The following DYNLRB1 variants were observed in gnomAD, a reference collection of about 807,000 sequenced individuals.
DYNLRB1 encodes ROBL/LC7-like 1.
A neutral mutation model predicts 13.5 loss-of-function variants in DYNLRB1; 6 were observed. The observed-to-expected ratio is 0.44, with a 90% CI of 0.24 to 0.88. The LOEUF is 0.88. Ranked by LOEUF, DYNLRB1 falls within the 40% of genes least tolerant of loss-of-function variation. The pLI, the probability that DYNLRB1 is intolerant of heterozygous loss-of-function variation, is 0.21. For missense variants in DYNLRB1, 93 were observed against 127.2 expected (o/e 0.73, Z 1.29); for synonymous variants, 43 against 45.0 (o/e 0.96, Z 0.18).
At chr20:34,516,828 AG>A in intron 1 of DYNLRB1, 1 of 1,549,456 alleles carries the variant, frequency 6.5e-7, no homozygotes, top group Non-Finnish European at 8.7e-7. Context: ...GGCTCTGCCA[AG>A]CACTTTATGT....
chr20:34,533,982 C>T (rs895650071), intron 2 of DYNLRB1, among the ~76,000 whole-genome samples: 4 of 151,856 alleles, frequency 2.6e-5, no homozygotes, highest in African/African-American at 7.3e-5. Context: ...ACTAAAAATA[C>T]AAAAATTAGC....
Position 34,534,657 on chromosome 20 carries a change from C to A in DYNLRB1, c.109C>A (p.Pro37Thr). The change falls in exon 3 of 4, where the codon CCC becomes ACC. Residue 37 changes from proline (P) to threonine (T), a missense_variant. Pro to Thr is a conservative substitution (Grantham distance 38). Transcript: ENST00000357156. ...TCCCATCAAGAGCACCATGGACAAC[C>A]CCACCACCACCCAGTATGCCAGCCT... ...GIPIKSTMDN[P>T]TTTQYASLMH... 1 of 1,581,700 alleles carries A rather than the reference C, an allele frequency of 6.3e-7. No homozygotes were observed. The highest frequency in any genetic ancestry group is 8.6e-7 in the Non-Finnish European group (1 of 1,163,246).
intron 2 of DYNLRB1, among the ~76,000 whole-genome samples, chr20:34,527,265 G>A (rs1277784185): frequency 6.6e-6 from 1 of 152,194 alleles, no homozygotes; most frequent in Non-Finnish European, 1.5e-5. Context: ...GCAGCAGTAA[G>A]GACAGGGACT....
At position 34,540,810 on chromosome 20, in the gene DYNLRB1, C is replaced by A; in HGVS notation, c.*186C>A. 1.8e-6 allele frequency: 1 copy of A among 565,988 alleles called. No homozygotes were observed. 35.1% of individuals were successfully genotyped at this position (565,988 alleles called of 1,614,324 possible). ...AACCCCTGTGTGCACCAACCTTCCCCAGAGCTCCGGAGCGCCCTCTCCTCA... is the reference window on the plus strand; with the variant it reads ...AACCCCTGTGTGCACCAACCTTCCCAAGAGCTCCGGAGCGCCCTCTCCTCA... On this transcript the variant is annotated 3_prime_UTR_variant, in exon 4 of 4. Coordinates refer to ENST00000357156, the MANE Select transcript of DYNLRB1 (RefSeq NM_014183.4).
chr20:34,538,666 G>C (rs1425503224), intron 3 of DYNLRB1, among the ~76,000 whole-genome samples: 4 of 152,094 alleles, frequency 2.6e-5, no homozygotes, highest in Admixed American at 2.6e-4. Context: ...GTTTTCATTA[G>C]TGATTTTTAT....
intron 1 of DYNLRB1, chr20:34,516,878 T>C: frequency 6.6e-7 from 1 of 1,515,834 alleles, no homozygotes; most frequent in Non-Finnish European, 8.9e-7. Flanking sequence ...CTCTGTGAGG[T>C]AGATACAATC....
chr20:34,535,432 C>T (rs149873087), intron 3 of DYNLRB1: 1 of 890,562 alleles, frequency 1.1e-6, no homozygotes, highest in East Asian at 1.2e-4. Context: ...CAACCAAGGC[C>T]TGTGTTTAGT....
intron 1 of DYNLRB1, among the ~76,000 whole-genome samples, chr20:34,524,873 G>A (rs1980062026): frequency 1.3e-5 from 2 of 152,048 alleles, no homozygotes; most frequent in South Asian, 2.1e-4. Flanking sequence ...ACAGGCGCCC[G>A]CCACTACGCC....
rs1979196735 is a variant in DYNLRB1, at chr20:34,516,521, A to T, written c.3+60A>T. The stretch of plus-strand genomic sequence containing the variant: ...GCCCACCACCCCACGCCAGGCCTTC[A>T]GTCTTCCGAGGATGAGGGGATCTCA... On this transcript the variant is annotated intron_variant, in intron 1 of 3. Coordinates refer to ENST00000357156, the MANE Select transcript of DYNLRB1 (RefSeq NM_014183.4). 3.7e-6 allele frequency: 6 copies of T among 1,604,870 alleles called. No homozygotes were observed. The Admixed American group carries it at 1.0e-4, about 27-fold the overall frequency.
chr20:34,537,213 T>C (rs1981217395), intron 3 of DYNLRB1, among the ~76,000 whole-genome samples: 1 of 152,086 alleles, frequency 6.6e-6, no homozygotes, highest in Non-Finnish European at 1.5e-5. Flanking sequence ...AGTCACACTG[T>C]CTCTCTCCCA....
At chr20:34,534,980 A>G (rs2146648728) in intron 3 of DYNLRB1, 185 bp downstream of exon 3, 1 of 1,448,478 alleles carries the variant, frequency 6.9e-7, no homozygotes, top group African/African-American at 1.4e-5. Flanking sequence ...AGATCCTCCC[A>G]GGGACCGGCC....
rs202095087 is a variant in DYNLRB1, at chr20:34,516,477, G to A, written c.3+16G>A. ...GTCGGAAATGGTGAGCGTGCGCCGG[G>A]GTCTTGTGGCTGGCGGCCGCCCACC... On this transcript the variant is annotated intron_variant, in intron 1 of 3. Transcript: ENST00000357156. The A allele has an allele frequency of 5.6e-5, 90 of 1,612,660 alleles. No individual in the cohort carries two copies. The highest frequency in any genetic ancestry group is 5.3e-4 in the African/African-American group (40 of 74,978).
rs557026021 is a variant in DYNLRB1, at chr20:34,529,587, G to A, written c.79+3244G>A. On this transcript the variant is annotated intron_variant, in intron 2 of 3. Coordinates refer to ENST00000357156, the MANE Select transcript of DYNLRB1 (RefSeq NM_014183.4). ...CTACTAAAAATACAAAAATTAGCCTGGTGTGGTGGCGGGCACCTGTAATCC... is the reference window on the plus strand; with the variant it reads ...CTACTAAAAATACAAAAATTAGCCTAGTGTGGTGGCGGGCACCTGTAATCC... 1.1e-3 allele frequency among the ~76,000 whole-genome samples: 167 copies of A among 152,186 alleles called. 1 individual carries two copies. Among genetic ancestry groups the A allele is most frequent in the Non-Finnish European group, 1.8e-3 (124 of 67,990 alleles).
At position 34,534,786 on chromosome 20, in the gene DYNLRB1, G is replaced by T. The variant is rs1234934334; in HGVS notation, c.238G>T (p.Val80Phe). 6.2e-7 allele frequency: 1 copy of T among 1,613,868 alleles called. No homozygotes were observed. The highest frequency in any genetic ancestry group is 1.3e-5 in the African/African-American group (1 of 74,880). Reference sequence around the variant, plus strand: ...TCGCTCCAAGAAAAATGAAATTATGGTTGCACCAGGTAAGGGGTCTTCTAC... The same window carrying T: ...TCGCTCCAAGAAAAATGAAATTATGTTTGCACCAGGTAAGGGGTCTTCTAC... ...RIRSKKNEIM[V>F]APDKDYFLIV... The change falls in exon 3 of 4, where the codon GTT becomes TTT. Residue 80 changes from valine (V) to phenylalanine (F), a missense_variant. Val to Phe is a conservative substitution (Grantham distance 50). Coordinates refer to ENST00000357156, the MANE Select transcript of DYNLRB1 (RefSeq NM_014183.4).
intron 1 of DYNLRB1, among the ~76,000 whole-genome samples, chr20:34,523,950 G>A (rs527365920): frequency 5.3e-5 from 8 of 152,030 alleles, no homozygotes; most frequent in African/African-American, 1.4e-4. Context: ...CTGACATCTC[G>A]GTTTTCACTT....
intron 2 of DYNLRB1, among the ~76,000 whole-genome samples, chr20:34,527,557 C>G (rs182008667): frequency 1.1e-3 from 168 of 152,288 alleles, no homozygotes; most frequent in African/African-American, 3.9e-3. Context: ...CACAGTGTTT[C>G]CCACACGTAT....
intron 1 of DYNLRB1, among the ~76,000 whole-genome samples, chr20:34,517,917 G>T (rs1055286355): frequency 6.6e-6 from 1 of 152,080 alleles, no homozygotes. Flanking sequence ...GATTACAGGC[G>T]TGAGCCACCA....
intron 2 of DYNLRB1, among the ~76,000 whole-genome samples, chr20:34,527,687 C>T (rs1201512788): frequency 2.0e-5 from 3 of 152,182 alleles, no homozygotes; most frequent in African/African-American, 7.2e-5. Context: ...TACGAAGCAC[C>T]CCAGGAGATT....
At chr20:34,529,329 C>T (rs561863453) in intron 2 of DYNLRB1, among the ~76,000 whole-genome samples, 1 of 152,350 alleles carries the variant, frequency 6.6e-6, no homozygotes, top group East Asian at 1.9e-4. Context: ...TGTGTGTCTT[C>T]AGTCTAGGCC....
Sources: gnomAD v4.1 joint callset for allele counts (sites outside exome capture counted in the v4.1 genomes callset) on GRCh38, gnomAD v4.1.1 for gene constraint, MANE v1.5 for transcripts, NCBI Gene and HGNC (gene_info 2026-07-23, HGNC 2026-07-21) for gene names.